Variants in PDZRN4 observed in about 807,000 individuals in gnomAD.
The protein encoded by PDZRN4 is PDZ domain-containing RING finger protein 4.
PDZRN4 carries 70 observed loss-of-function variants against 99.0 expected under a neutral mutation model. That is an observed-to-expected ratio of 0.71 (90% CI 0.58 to 0.86). PDZRN4 has a LOEUF of 0.86. Ranked by LOEUF, PDZRN4 falls within the 40% of genes least tolerant of loss-of-function variation. The pLI is 0.00. For synonymous variants in PDZRN4, 551 were observed against 501.6 expected (o/e 1.10, Z -1.32); for missense variants, 1,474 against 1,331.2 (o/e 1.11, Z -1.67).
At chr12:41,509,553 A>G (rs895748762) in intron 4 of PDZRN4, 8 of 237,572 alleles carry the variant, frequency 3.4e-5, no homozygotes, top group African/African-American at 4.5e-5. Context: ...GAGATTTCAC[A>G]TCAGTCTTTC....
At position 41,573,846 on chromosome 12, in the gene PDZRN4, G is replaced by A; in HGVS notation, c.3067G>A (p.Gly1023Ser). The change falls in exon 10 of 10, where the codon GGC (glycine) becomes AGC (serine). Residue 1023 changes from glycine to serine, a missense_variant. Physicochemically the swap from Gly to Ser is moderately conservative, Grantham distance 56 (BLOSUM62 0). Coordinates refer to ENST00000402685, the MANE Select transcript of PDZRN4 (RefSeq NM_001164595.2). ...LMTHGAKSPD[G>S]TRVHNAFLSV... ...GACCCATGGGGCCAAGTCTCCAGAT[G>A]GCACGAGAGTCCATAATGCCTTCTT... 6.3e-7 allele frequency: 1 copy of A among 1,596,060 alleles called. No homozygotes were observed.
At chr12:41,330,012 A>G (rs1203262518) in intron 3 of PDZRN4, among the ~76,000 whole-genome samples, 1 of 152,132 alleles carries the variant, frequency 6.6e-6, no homozygotes, top group East Asian at 1.9e-4. Flanking sequence ...GCATACAGAG[A>G]TAATGTGCTT....
intron 3 of PDZRN4, among the ~76,000 whole-genome samples, chr12:41,280,172 G>A (rs958656186): frequency 6.6e-6 from 1 of 152,160 alleles, no homozygotes; most frequent in Non-Finnish European, 1.5e-5. Context: ...GAGGGACGGT[G>A]CTATGCAGCC....
intron 3 of PDZRN4, among the ~76,000 whole-genome samples, chr12:41,262,640 G>T (rs1462885161): frequency 6.6e-6 from 1 of 152,186 alleles, no homozygotes; most frequent in African/African-American, 2.4e-5. Context: ...GATTTTGAAA[G>T]GGTGAAATTG....
rs371882074 is a variant in PDZRN4, at chr12:41,359,135, C to T, written c.844-147321C>T. ...ACATTTCTCGTTCAGAATTATTATT[C>T]CTGCTACTTTCTTCAAAGGCATTTT... On this transcript the variant is annotated intron_variant, in intron 3 of 9. Coordinates refer to ENST00000402685, the MANE Select transcript of PDZRN4 (RefSeq NM_001164595.2). Among the ~76,000 whole-genome samples, 97 of 151,984 alleles carry T rather than the reference C, an allele frequency of 6.4e-4. 1 individual carries two copies. Among genetic ancestry groups the T allele is most frequent in the African/African-American group, 2.3e-3 (96 of 41,518 alleles).
chr12:41,475,003 C>T (rs2120580752), intron 3 of PDZRN4, among the ~76,000 whole-genome samples: 2 of 152,230 alleles, frequency 1.3e-5, no homozygotes, highest in East Asian at 3.9e-4. Flanking sequence ...AATTACTGGA[C>T]ATAGATACCT....
chr12:41,329,167 T>C (rs1427033105), intron 3 of PDZRN4, among the ~76,000 whole-genome samples: 1 of 152,122 alleles, frequency 6.6e-6, no homozygotes, highest in Non-Finnish European at 1.5e-5. Flanking sequence ...TTGGGTATTA[T>C]AGCTTGATGT....
At position 41,526,124 on chromosome 12, in the gene PDZRN4, A is replaced by G. The variant is rs74563845; in HGVS notation, c.1203+16211A>G. Among the ~76,000 whole-genome samples the G allele has an allele frequency of 1.4e-4, 21 of 152,212 alleles. 1 individual carries two copies. In the East Asian group the frequency reaches 4.1e-3, roughly 29 times the overall value. On this transcript the variant is annotated intron_variant, in intron 5 of 9. Transcript: ENST00000402685. ...CTTTCTCCTTTGCCTCCATAATACC[A>G]CACTGCCCTTCCTTCCAATTCTAGG...
rs534738032 is a variant in PDZRN4, at chr12:41,303,905, T to C, written c.843+109717T>C. ...ATCACAGACATGCAAGTGCATGACCTCAGCTTTTTTAATTCATTTGACTCT... is the reference window on the plus strand; with the variant it reads ...ATCACAGACATGCAAGTGCATGACCCCAGCTTTTTTAATTCATTTGACTCT... On this transcript the variant is annotated intron_variant, in intron 3 of 9. Transcript: ENST00000402685. 3.9e-5 allele frequency among the ~76,000 whole-genome samples: 6 copies of C among 152,286 alleles called. No homozygotes were observed. In the South Asian group the frequency reaches 6.2e-4, roughly 16 times the overall value.
At chr12:41,269,502 A>AT (rs1405400204) in intron 3 of PDZRN4, among the ~76,000 whole-genome samples, 2 of 152,214 alleles carry the variant, frequency 1.3e-5, no homozygotes, top group Non-Finnish European at 2.9e-5. Context: ...AGGAAAAAAA[A>AT]GGGAGAGAAA....
intron 3 of PDZRN4, among the ~76,000 whole-genome samples, chr12:41,370,383 C>A (rs537803592): frequency 6.6e-6 from 1 of 151,890 alleles, no homozygotes; most frequent in Admixed American, 6.6e-5. Context: ...GTTATTTTCC[C>A]TTGGTCCTTT....
At chr12:41,491,289 G>A (rs1385516406) in intron 3 of PDZRN4, among the ~76,000 whole-genome samples, 7 of 152,096 alleles carry the variant, frequency 4.6e-5, no homozygotes, top group East Asian at 1.9e-4. Context: ...TTGGGAGGCC[G>A]AGGAGGGCAG....
At chr12:41,454,895 G>C (rs2120514115) in intron 3 of PDZRN4, among the ~76,000 whole-genome samples, 1 of 152,302 alleles carries the variant, frequency 6.6e-6, no homozygotes, top group Middle Eastern at 3.4e-3. Flanking sequence ...GTTCCATCAA[G>C]TACAATAGCC....
chr12:41,252,624 C>G lies in PDZRN4; in HGVS notation c.843+58436C>G, dbSNP rs1951178145. Reference sequence around the variant, plus strand: ...ATATGATGGCACACACCTGTAATCCCAGCTACTAGGGAGGCTGAGGGAGGA... The same window carrying G: ...ATATGATGGCACACACCTGTAATCCGAGCTACTAGGGAGGCTGAGGGAGGA... On this transcript the variant is annotated intron_variant, in intron 3 of 9. Transcript: ENST00000402685. Among the ~76,000 whole-genome samples, 3 of 152,068 alleles carry G rather than the reference C, an allele frequency of 2.0e-5. No individual in the cohort carries two copies. The South Asian group carries it at 6.2e-4, about 32-fold the overall frequency.
chr12:41,348,252 T>C (rs2121031749), intron 3 of PDZRN4, among the ~76,000 whole-genome samples: 1 of 152,244 alleles, frequency 6.6e-6, no homozygotes, highest in East Asian at 1.9e-4. Context: ...TTCTGTGCTG[T>C]AGAGCAGCAC....
At position 41,188,825 on chromosome 12, in the gene PDZRN4, G is replaced by C. The variant is rs1384553597; in HGVS notation, c.370G>C (p.Gly124Arg). 7.8e-7 allele frequency: 1 copy of C among 1,288,622 alleles called. No homozygotes were observed. Among genetic ancestry groups the C allele is most frequent in the East Asian group, 3.2e-5 (1 of 31,480 alleles). The allele number at this position is 1,288,622 out of a possible 1,614,324, so 79.8% of individuals were successfully genotyped here. ...CGGGGGCTGCGCTTCGGGGCTGGGC[G>C]GTGGTGAGGTGCCCGCGCGGGGGGG... is the stretch of plus-strand genomic sequence containing the variant. ...SRGGCASGLG[G>R]GEVPARGGCG... The change falls in exon 1 of 10, where the codon GGT (glycine) becomes CGT (arginine). Residue 124 changes from glycine (G) to arginine (R), a missense_variant. Physicochemically the swap from Gly to Arg is moderately radical, Grantham distance 125 (BLOSUM62 -2). Coordinates refer to ENST00000402685, the MANE Select transcript of PDZRN4 (RefSeq NM_001164595.2).
chr12:41,498,775 G>A (rs1938057522), intron 3 of PDZRN4, among the ~76,000 whole-genome samples: 1 of 152,052 alleles, frequency 6.6e-6, no homozygotes. Flanking sequence ...TTTGTTCTAT[G>A]ATCTCAATAA....
chr12:41,348,664 C>T (rs1951870679), intron 3 of PDZRN4, among the ~76,000 whole-genome samples: 1 of 152,048 alleles, frequency 6.6e-6, no homozygotes, highest in Admixed American at 6.6e-5. Flanking sequence ...CACTCTGCTG[C>T]ATACTTAAGT....
At chr12:41,478,789 A>C (rs1326106639) in intron 3 of PDZRN4, among the ~76,000 whole-genome samples, 1 of 152,116 alleles carries the variant, frequency 6.6e-6, no homozygotes, top group African/African-American at 2.4e-5. Flanking sequence ...AACACAACAC[A>C]CACTGTTCCT....
Sources: allele counts gnomAD v4.1 joint callset (sites outside exome capture counted in the v4.1 genomes callset), GRCh38; gene constraint gnomAD v4.1.1; transcripts MANE v1.5; gene names NCBI Gene and HGNC (gene_info 2026-07-23, HGNC 2026-07-21).